The following CELF4 variants were observed in gnomAD, a reference collection of about 807,000 sequenced individuals.
CELF4 encodes CUGBP Elav-like family member 4, also known as CUG-BP- and ETR-3-like factor 4.
Under a neutral mutation model 59.9 loss-of-function variants are expected in CELF4, and 18 were observed. The observed-to-expected ratio is 0.30, with a 90% confidence interval of 0.21 to 0.45. CELF4 has a LOEUF of 0.45. Ranked by LOEUF, CELF4 falls within the 20% of genes least tolerant of loss-of-function variation. The pLI is 1.00. For missense variants in CELF4, 456 were observed against 689.0 expected, an observed-to-expected ratio of 0.66 and a Z score of 3.79; for synonymous variants, 261 against 267.1, an observed-to-expected ratio of 0.98 and a Z score of 0.22.
intron 7 of CELF4, 108 bp downstream of exon 7, chr18:37,272,908 A>T: frequency 8.9e-7 from 1 of 1,120,940 alleles, no homozygotes; most frequent in Non-Finnish European, 1.3e-6. Flanking sequence ...CCCAGACACT[A>T]TGTGCTTTTG....
intron 10 of CELF4, among the ~76,000 whole-genome samples, chr18:37,262,243 C>A (rs1332317876): frequency 1.3e-5 from 2 of 152,206 alleles, no homozygotes; most frequent in African/African-American, 2.4e-5. Context: ...GTGCATTACT[C>A]TTCCCCATCC....
chr18:37,534,278 A>G (rs2099971756), intron 1 of CELF4, among the ~76,000 whole-genome samples: 1 of 152,038 alleles, frequency 6.6e-6, no homozygotes, highest in African/African-American at 2.4e-5. Flanking sequence ...CTGGCTGCAT[A>G]CTGGGTGCTG....
At chr18:37,345,098 C>T (rs145227352) in intron 2 of CELF4, among the ~76,000 whole-genome samples, 437 of 152,200 alleles carry the variant, frequency 2.9e-3, no homozygotes, top group Non-Finnish European at 3.7e-3. Flanking sequence ...TTGGGTGCCT[C>T]GGGAGGCTCT....
chr18:37,435,110 AC>A (rs1190198349), intron 2 of CELF4, among the ~76,000 whole-genome samples: 1 of 151,512 alleles, frequency 6.6e-6, no homozygotes, highest in Admixed American at 6.6e-5. Context: ...GGGGTAGAGA[AC>A]CCAGGGAAAG....
intron 2 of CELF4, among the ~76,000 whole-genome samples, chr18:37,462,695 G>A (rs1446463546): frequency 6.6e-6 from 1 of 152,154 alleles, no homozygotes; most frequent in East Asian, 1.9e-4. Context: ...GGAAGTAAAA[G>A]GGCAGTGTGC....
At chr18:37,520,124 A>G (rs2099955642) in intron 1 of CELF4, among the ~76,000 whole-genome samples, 1 of 152,134 alleles carries the variant, frequency 6.6e-6, no homozygotes, top group Non-Finnish European at 1.5e-5. Flanking sequence ...CCAGGGCTGC[A>G]TTCTCTCACC....
chr18:37,500,406 C>A (rs2099930220), intron 1 of CELF4, among the ~76,000 whole-genome samples: 1 of 152,168 alleles, frequency 6.6e-6, no homozygotes. Context: ...CTGTGCCAGG[C>A]AGAGCCAGCC....
chr18:37,385,369 AAAAGAAAGAAAG>A (rs1569568357), intron 2 of CELF4, among the ~76,000 whole-genome samples: 1 of 151,396 alleles, frequency 6.6e-6, no homozygotes, highest in South Asian at 2.1e-4. Context: ...AAAAAAAAAA[AAAAGAAAGAAAG>A]AAAAGAAAGA....
Position 37,254,018 on chromosome 18 carries a change from AG to A in CELF4, c.1334-81del, listed in dbSNP as rs1191167390. 6.9e-5 allele frequency: 5 copies of A among 72,614 alleles called. No homozygotes were observed. Among genetic ancestry groups the A allele is most frequent in the African/African-American group, 8.0e-5 (1 of 12,554 alleles). The allele number at this position is 72,614 out of a possible 1,614,324, so 4.5% of individuals were successfully genotyped here. A position where few individuals can be genotyped will look rare whatever the true frequency, so the allele number is the denominator to read the frequency against. On this transcript the variant is annotated intron_variant, in intron 11 of 12. Transcript: ENST00000420428. This position sits in a 1 kb window ranked among gnomAD's most constrained non-coding sequence, Gnocchi z 5.1. ...TGCCGGCGGGGAGGGGTCGGGGGAC[AG>A]GGGGGCGGGGCGGGCCTGAGGCTCT...
At chr18:37,348,246 C>T (rs2098336537) in intron 2 of CELF4, among the ~76,000 whole-genome samples, 1 of 152,200 alleles carries the variant, frequency 6.6e-6, no homozygotes. Flanking sequence ...TAAGCAGGGT[C>T]AAATGCCCTT....
chr18:37,423,715 C>T (rs1331844887), intron 2 of CELF4, among the ~76,000 whole-genome samples: 1 of 152,092 alleles, frequency 6.6e-6, no homozygotes, highest in African/African-American at 2.4e-5. Flanking sequence ...TCCCTAAGCC[C>T]TCTAGGAAAG....
At chr18:37,553,664 C>T (rs2099983915) in intron 1 of CELF4, among the ~76,000 whole-genome samples, 1 of 152,144 alleles carries the variant, frequency 6.6e-6, no homozygotes, top group African/African-American at 2.4e-5. Context: ...CTTTGCGGTC[C>T]CTGTTTTGCT....
At chr18:37,265,069 G>T (rs1009732275) in intron 9 of CELF4, among the ~76,000 whole-genome samples, 3 of 147,310 alleles carry the variant, frequency 2.0e-5, no homozygotes, top group African/African-American at 7.4e-5. Flanking sequence ...TGCAAGTGTG[G>T]GTGTACGTGT....
rs369139834 is a variant in CELF4, at chr18:37,378,795, G to T, written c.370-56914C>A. ...CTCACAGAGGAAGGAGTAGCTGTGG[G>T]GGTGCACTGCCCCACGAGTCAAAAG... On this transcript the variant is annotated intron_variant, in intron 2 of 12. Transcript: ENST00000420428. Among the ~76,000 whole-genome samples, 63 of 152,308 alleles carry T rather than the reference G, an allele frequency of 4.1e-4. 1 individual carries two copies. The South Asian group carries it at 0.011, about 27-fold the overall frequency.
chr18:37,337,923 C>T lies in CELF4; in HGVS notation c.370-16042G>A, dbSNP rs577936266. Among the ~76,000 whole-genome samples the T allele has an allele frequency of 1.7e-4, 26 of 152,322 alleles. 1 individual carries two copies. The Middle Eastern group carries it at 0.014, about 80-fold the overall frequency. ...TGCCTGTCTGTGTTTAACCTGACCCCCGCCCCATGTTTGCAACAAACATCT... is the reference window on the plus strand; with the variant it reads ...TGCCTGTCTGTGTTTAACCTGACCCTCGCCCCATGTTTGCAACAAACATCT... On this transcript the variant is annotated intron_variant, in intron 2 of 12. Coordinates refer to ENST00000420428, the MANE Select transcript of CELF4 (RefSeq NM_020180.4).
At chr18:37,485,293 C>G (rs937159911) in intron 2 of CELF4, among the ~76,000 whole-genome samples, 2 of 151,854 alleles carry the variant, frequency 1.3e-5, no homozygotes, top group African/African-American at 4.8e-5. Flanking sequence ...CCGCCCCAGG[C>G]TGCCCGCGCA....
chr18:37,496,849 C>T (rs186578186), intron 1 of CELF4, among the ~76,000 whole-genome samples: 10 of 152,148 alleles, frequency 6.6e-5, no homozygotes, highest in Admixed American at 3.3e-4. Flanking sequence ...AGGGCTGCGG[C>T]GAAGAAGGAG....
At chr18:37,305,393 G>T (rs1467784983) in intron 3 of CELF4, 1 of 152,320 alleles carries the variant, frequency 6.6e-6, no homozygotes, top group African/African-American at 2.4e-5. Flanking sequence ...GGAGGAGGAA[G>T]GATCAGACTG....
At chr18:37,551,387 A>G (rs2099983131) in intron 1 of CELF4, among the ~76,000 whole-genome samples, 1 of 152,224 alleles carries the variant, frequency 6.6e-6, no homozygotes. Flanking sequence ...GCTCTCCTGC[A>G]GTAAAAAATG....
Sources: allele counts gnomAD v4.1 joint callset (sites outside exome capture counted in the v4.1 genomes callset), GRCh38; gene constraint gnomAD v4.1.1; non-coding constraint Gnocchi (gnomAD v3.1); transcripts MANE v1.5; gene names NCBI Gene and HGNC (gene_info 2026-07-23, HGNC 2026-07-21).